The following FMN1 variants were observed in gnomAD, a reference collection of about 807,000 sequenced individuals.
The protein encoded by FMN1 is formin-1.
In FMN1, 110 loss-of-function variants were observed where a neutral mutation model predicts 132.4. The observed-to-expected ratio is 0.83, with a 90% confidence interval of 0.71 to 0.97. FMN1 has a LOEUF of 0.97. Among genes scored for constraint, FMN1 ranks in the 50% least tolerant of loss-of-function variants. The probability of loss-of-function intolerance (pLI) is 0.00; values close to 1 mark genes in which losing one functional copy is unlikely to be tolerated. For missense variants in FMN1, 1,792 were observed against 1,705.3 expected, an observed-to-expected ratio of 1.05 and a Z score of -0.90; for synonymous variants, 722 against 651.7, an observed-to-expected ratio of 1.11 and a Z score of -1.64.
At chr15:32,857,906 G>A (rs944751030) in intron 16 of FMN1, among the ~76,000 whole-genome samples, 3 of 152,184 alleles carry the variant, frequency 2.0e-5, no homozygotes, top group African/African-American at 7.2e-5. Flanking sequence ...GTTCCTATGT[G>A]TTTGTGCCAG....
intron 6 of FMN1, among the ~76,000 whole-genome samples, chr15:33,026,521 T>C (rs2035684569): frequency 6.6e-6 from 1 of 151,754 alleles, no homozygotes; most frequent in Non-Finnish European, 1.5e-5. Flanking sequence ...ACTCAAACAA[T>C]ATATAAAGTA....
At chr15:33,184,018 G>A (rs1344470309) in intron 2 of FMN1, among the ~76,000 whole-genome samples, 1 of 151,924 alleles carries the variant, frequency 6.6e-6, no homozygotes, top group African/African-American at 2.4e-5. Flanking sequence ...CTTGAAATAA[G>A]GTAAACTTAT....
chr15:33,194,562 A>T lies in FMN1; in HGVS notation c.-349+16T>A, dbSNP rs545508785. ...GACGGGCAGATGGCCAGCAGAACAG[A>T]CAAGACTCTCTTTACCTGACCAATA... On this transcript the variant is annotated intron_variant, in intron 1 of 20. Coordinates refer to ENST00000616417, the MANE Select transcript of FMN1 (RefSeq NM_001277313.2). 1.6e-4 allele frequency: 24 copies of T among 152,588 alleles called. No individual in the cohort carries two copies. Among genetic ancestry groups the T allele is most frequent in the African/African-American group, 5.5e-4 (23 of 41,576 alleles). The allele number at this position is 152,588 out of a possible 1,614,324, so 9.5% of individuals were successfully genotyped here.
chr15:33,010,278 T>C (rs1179170763), intron 6 of FMN1, among the ~76,000 whole-genome samples: 1 of 151,980 alleles, frequency 6.6e-6, no homozygotes, highest in African/African-American at 2.4e-5. Context: ...GAAGAACAGA[T>C]CAGAATAGTA....
chr15:33,078,201 T>G (rs192015601), intron 5 of FMN1, among the ~76,000 whole-genome samples: 118 of 152,312 alleles, frequency 7.7e-4, no homozygotes, highest in African/African-American at 2.8e-3. Flanking sequence ...AAAATAATAC[T>G]TAACTCATAG....
rs117477961 is a variant in FMN1, at chr15:32,942,278, A to G, written c.3139-16017T>C. 3.5e-3 allele frequency among the ~76,000 whole-genome samples: 532 copies of G among 152,338 alleles called. 1 individual carries two copies. Among genetic ancestry groups the G allele is most frequent in the Non-Finnish European group, 5.5e-3 (376 of 68,022 alleles). ...ATTTTTTTAAAGCCTGCCTCTGTGA[A>G]TAAGAATTAAGACAAAAATGGGAAG... On this transcript the variant is annotated intron_variant, in intron 9 of 20. Coordinates refer to ENST00000616417, the MANE Select transcript of FMN1 (RefSeq NM_001277313.2).
At chr15:32,983,603 TAA>T (rs2032852918) in intron 7 of FMN1, among the ~76,000 whole-genome samples, 3 of 152,194 alleles carry the variant, frequency 2.0e-5, no homozygotes, top group Non-Finnish European at 4.4e-5. Flanking sequence ...AAGTGAACAC[TAA>T]TATAATGTTA....
At position 33,153,653 on chromosome 15, in the gene FMN1, G is replaced by A. The variant is rs1595573738; in HGVS notation, c.1262C>T (p.Pro421Leu). ...CTTCTCACTCTCTATCACCTTCAGGGGGACCTTGTTCACGGCCCCCTCGGC... is the reference window on the plus strand; with the variant it reads ...CTTCTCACTCTCTATCACCTTCAGGAGGACCTTGTTCACGGCCCCCTCGGC... ...ASAEGAVNKV[P>L]LKVIESEKLD... is the part of the protein sequence containing the mutation. Residue 421 changes from proline to leucine, a missense_variant, in exon 4 of 21, where the codon CCC becomes CTC. Coordinates refer to ENST00000616417, the MANE Select transcript of FMN1 (RefSeq NM_001277313.2). 1 of 1,536,324 alleles carries A rather than the reference G, an allele frequency of 6.5e-7. No individual in the cohort carries two copies. The highest frequency in any genetic ancestry group is 2.4e-5 in the East Asian group (1 of 40,894).
intron 3 of FMN1, among the ~76,000 whole-genome samples, chr15:33,165,759 C>T (rs1272696393): frequency 6.6e-6 from 1 of 152,080 alleles, no homozygotes; most frequent in African/African-American, 2.4e-5. Flanking sequence ...ATTGAGGATG[C>T]AGGCAGGGTG....
chr15:33,015,332 G>A (rs2034979518), intron 6 of FMN1, among the ~76,000 whole-genome samples: 1 of 152,138 alleles, frequency 6.6e-6, no homozygotes, highest in Admixed American at 6.5e-5. Context: ...TCACAGGGAG[G>A]TTTGAAGAGC....
chr15:32,977,876 T>C (rs2032337694), intron 7 of FMN1, among the ~76,000 whole-genome samples: 2 of 151,988 alleles, frequency 1.3e-5, no homozygotes, highest in African/African-American at 2.4e-5. Flanking sequence ...TTTTTTTTTT[T>C]TTCTGAGACA....
intron 7 of FMN1, among the ~76,000 whole-genome samples, chr15:32,982,476 G>A (rs902794460): frequency 1.3e-5 from 2 of 152,106 alleles, no homozygotes; most frequent in African/African-American, 4.8e-5. Context: ...AATGTTTTTG[G>A]TAGCTTTATC....
chr15:32,915,614 G>A (rs771813190), intron 10 of FMN1, among the ~76,000 whole-genome samples: 5 of 152,188 alleles, frequency 3.3e-5, no homozygotes. Context: ...CAATTTTACA[G>A]CAAGCCTCAA....
chr15:32,999,831 T>C (rs908016097), intron 7 of FMN1, among the ~76,000 whole-genome samples: 2 of 152,136 alleles, frequency 1.3e-5, no homozygotes, highest in Non-Finnish European at 2.9e-5. Flanking sequence ...AGCTACCAGC[T>C]CCTCACAAGC....
chr15:32,837,623 G>A (rs2058657344), intron 17 of FMN1, among the ~76,000 whole-genome samples: 1 of 152,174 alleles, frequency 6.6e-6, no homozygotes, highest in Admixed American at 6.5e-5. Context: ...ACAAAAGAGG[G>A]TTAGGACCTA....
chr15:32,790,183 T>C (rs1387303499), intron 19 of FMN1, among the ~76,000 whole-genome samples: 3 of 152,350 alleles, frequency 2.0e-5, no homozygotes, highest in East Asian at 3.9e-4. Context: ...GGAATAACAC[T>C]GCATGATTCC....
In FMN1 at chr15:33,003,016, A is replaced by C. The variant is rs569162024; in HGVS notation, c.2223+4998T>G. On this transcript the variant is annotated intron_variant, in intron 7 of 20. Transcript: ENST00000616417. ...AAGGCCTTTGACAAAATTCAACAAC[A>C]CTTCATGCTGAAAGCTCTCAATAAA... 1.2e-4 allele frequency among the ~76,000 whole-genome samples: 19 copies of C among 152,254 alleles called. No homozygotes were observed. In the East Asian group the frequency reaches 2.9e-3, roughly 23 times the overall value.
At chr15:32,963,044 G>C (rs866531745) in intron 9 of FMN1, among the ~76,000 whole-genome samples, 2 of 143,162 alleles carry the variant, frequency 1.4e-5, no homozygotes, top group Non-Finnish European at 3.0e-5. Flanking sequence ...ACATGCACAC[G>C]TATGTTTATT....
intron 5 of FMN1, among the ~76,000 whole-genome samples, chr15:33,068,960 G>A (rs561854622): frequency 1.1e-4 from 17 of 152,284 alleles, no homozygotes; most frequent in African/African-American, 1.9e-4. Flanking sequence ...AGCAGGACAC[G>A]CCTCTCCCCC....
Sources: gnomAD v4.1 joint callset for allele counts (sites outside exome capture counted in the v4.1 genomes callset) on GRCh38, gnomAD v4.1.1 for gene constraint, MANE v1.5 for transcripts, NCBI Gene and HGNC (gene_info 2026-07-23, HGNC 2026-07-21) for gene names.